Variants in BRAP observed in about 807,000 individuals in gnomAD.
The protein encoded by BRAP is BRCA1-associated protein.
BRAP carries 42 observed loss-of-function variants against 73.4 expected under a neutral mutation model. The ratio of observed to expected loss-of-function variants is 0.57; its 90% CI spans 0.45 to 0.74. BRAP has a LOEUF of 0.74. BRAP is among the 30% of genes least tolerant of loss of function. The pLI, the probability that BRAP is intolerant of heterozygous loss-of-function variation, is 0.00. For missense variants in BRAP, 593 were observed against 751.4 expected (o/e 0.79, Z 2.46); for synonymous variants, 255 against 267.4 (o/e 0.95, Z 0.45).
At chr12:111,680,117 G>A (rs145973546) in intron 3 of BRAP, among the ~76,000 whole-genome samples, 105 of 150,836 alleles carry the variant, frequency 7.0e-4, no homozygotes, top group Middle Eastern at 3.4e-3. Flanking sequence ...CCACCACGCC[G>A]GGCTAATTTT....
At chr12:111,666,269 A>G (rs1886938286) in intron 5 of BRAP, among the ~76,000 whole-genome samples, 1 of 152,164 alleles carries the variant, frequency 6.6e-6, no homozygotes. Context: ...CTTAACATAT[A>G]AATCTCAAAT....
In BRAP at chr12:111,644,269, G is replaced by A. The variant is rs770987642; in HGVS notation, c.1709C>T (p.Ser570Leu). The part of the protein sequence containing the change: ...GQINIAMASA[S>L]SPASSGGSGK... ...ACTGCCCCCCGAAGAGGCAGGGCTC[G>A]AGGCCGAGGCCATGGCGATGTTGAT... Residue 570 changes from serine (S) to leucine (L), a missense_variant, in exon 12 of 12, where the codon TCG (serine) becomes TTG (leucine). By Grantham distance (145) the Ser-to-Leu change is moderately radical. Coordinates refer to ENST00000419234, the MANE Select transcript of BRAP (RefSeq NM_006768.5). 6.2e-6 allele frequency: 10 copies of A among 1,614,068 alleles called. No individual in the cohort carries two copies. The Admixed American group carries it at 6.7e-5, about 11-fold the overall frequency.
intron 11 of BRAP, among the ~76,000 whole-genome samples, chr12:111,646,342 A>C (rs923564978): frequency 4.6e-5 from 7 of 151,952 alleles, no homozygotes; most frequent in East Asian, 1.9e-4. Flanking sequence ...GAACAAAAAA[A>C]CCCCACTATT....
chr12:111,652,308 C>G (rs977148404), intron 10 of BRAP, among the ~76,000 whole-genome samples: 5 of 152,112 alleles, frequency 3.3e-5, no homozygotes, highest in Non-Finnish European at 7.3e-5. Context: ...ACTGCAAACT[C>G]CGCCTCCTGG....
At chr12:111,661,629 A>G (rs1383824225) in intron 6 of BRAP, among the ~76,000 whole-genome samples, 2 of 151,906 alleles carry the variant, frequency 1.3e-5, no homozygotes, top group Non-Finnish European at 2.9e-5. Flanking sequence ...CCATTTCCCA[A>G]AGATTTAAAT....
chr12:111,650,288 CAG>C (rs1034985038), intron 10 of BRAP, among the ~76,000 whole-genome samples: 1 of 151,776 alleles, frequency 6.6e-6, no homozygotes, highest in Non-Finnish European at 1.5e-5. Flanking sequence ...TTTTTTGAGC[CAG>C]AGTCTCGCTC....
At chr12:111,671,871 A>G (rs1248454039) in intron 5 of BRAP, among the ~76,000 whole-genome samples, 1 of 151,580 alleles carries the variant, frequency 6.6e-6, no homozygotes, top group Non-Finnish European at 1.5e-5. Context: ...TTTTTTGTAG[A>G]GACAGGGTTT....
chr12:111,681,817 A>T lies in BRAP; in HGVS notation c.263T>A (p.Val88Glu). Residue 88 changes from valine (V) to glutamate (E), a missense_variant, in exon 3 of 12, where the codon GTG becomes GAG. This residue lies in a region of BRAP where 304 missense variants were observed against 337.7 expected (regional missense o/e 0.90). Transcript: ENST00000419234. ...KSNPDELKTT[V>E]EERKSSEASP... ...GGCTTCTGAAGACTTCCTTTCTTCC[A>T]CTGTAGTTTTTAGTTCATCTTTCAC... 1.2e-6 allele frequency: 2 copies of T among 1,610,974 alleles called. No homozygotes were observed. The highest frequency in any genetic ancestry group is 1.7e-6 in the Non-Finnish European group (2 of 1,178,706).
intron 10 of BRAP, among the ~76,000 whole-genome samples, chr12:111,655,190 C>T (rs756190841): frequency 1.3e-4 from 20 of 152,098 alleles, no homozygotes; most frequent in Admixed American, 3.3e-4. Flanking sequence ...AAAGGCTCTG[C>T]GCCATTTCAT....
rs1234908865 is a variant in BRAP at position 111,643,560 on chromosome 12, G to A, written c.*639C>T. On this transcript the variant is annotated 3_prime_UTR_variant, in exon 12 of 12. Transcript: ENST00000419234. Reference sequence around the variant, plus strand: ...ACACTGAGTCTACCCAATGTGCCCCGGGTTGTTTGTTTTTCCTGGCTGGCC... The same window carrying A: ...ACACTGAGTCTACCCAATGTGCCCCAGGTTGTTTGTTTTTCCTGGCTGGCC... 2 of 152,114 alleles carry A rather than the reference G, an allele frequency of 1.3e-5. No homozygotes were observed. Among genetic ancestry groups the A allele is most frequent in the East Asian group, 1.9e-4 (1 of 5,180 alleles). The allele number at this position is 152,114 out of a possible 1,614,324, so 9.4% of individuals were successfully genotyped here. A position where few individuals can be genotyped will look rare whatever the true frequency, so the allele number is the denominator to read the frequency against.
intron 4 of BRAP, among the ~76,000 whole-genome samples, chr12:111,678,053 G>A (rs982274163): frequency 2.0e-5 from 3 of 151,732 alleles, no homozygotes; most frequent in African/African-American, 4.8e-5. Context: ...CAGAGTTTGA[G>A]ACCAGCCTGA....
intron 6 of BRAP, among the ~76,000 whole-genome samples, chr12:111,661,043 G>A (rs1056387553): frequency 4.0e-5 from 6 of 151,118 alleles, no homozygotes; most frequent in South Asian, 2.1e-4. Flanking sequence ...GCAGTGGTGC[G>A]ATCTCAATTC....
intron 4 of BRAP, among the ~76,000 whole-genome samples, chr12:111,678,582 G>A (rs538852703): frequency 1.3e-4 from 20 of 151,000 alleles, no homozygotes; most frequent in East Asian, 6.0e-4. Flanking sequence ...GCTTGAACCC[G>A]GGAGGCGGAG....
rs890931683 is a variant in BRAP, at chr12:111,656,450, G to A, written c.1222-795C>T. The stretch of plus-strand genomic sequence containing the variant: ...GGCTGTTGTAACACTAATGTGCCAG[G>A]TTAGGAGATATGGCACCAGTGGAAG... On this transcript the variant is annotated intron_variant, in intron 9 of 11. Transcript: ENST00000419234. Among the ~76,000 whole-genome samples, 11 of 152,196 alleles carry A rather than the reference G, an allele frequency of 7.2e-5. 1 individual carries two copies. The highest frequency in any genetic ancestry group is 2.0e-4 in the Admixed American group (3 of 15,276).
intron 10 of BRAP, among the ~76,000 whole-genome samples, chr12:111,654,029 A>C (rs1287127279): frequency 1.3e-5 from 2 of 152,178 alleles, no homozygotes; most frequent in Non-Finnish European, 2.9e-5. Flanking sequence ...GAAGCACTTG[A>C]GGTAGTCACA....
intron 10 of BRAP, 81 bp from the exon 11 acceptor site, chr12:111,650,123 C>T (rs1407999021): frequency 9.8e-7 from 1 of 1,015,882 alleles, no homozygotes; most frequent in Non-Finnish European, 1.5e-6. Context: ...TATTTTTCCC[C>T]CCAATTATCT....
intron 10 of BRAP, among the ~76,000 whole-genome samples, chr12:111,651,635 CTTTTTTTTTTT>C (rs761275581): frequency 8.0e-6 from 1 of 124,980 alleles, no homozygotes; most frequent in African/African-American, 3.0e-5. Context: ...GATTTCTTTT[CTTTTTTTTTTT>C]TTTTTTTTTG....
chr12:111,672,581 G>A (rs2135922349), intron 5 of BRAP, 80 bp downstream of exon 5: 2 of 1,276,612 alleles, frequency 1.6e-6, no homozygotes, highest in East Asian at 2.5e-5. Flanking sequence ...CCTATTCTGG[G>A]TATTTCACAG....
At position 111,665,608 on chromosome 12, in the gene BRAP, G is replaced by A. The variant is rs1348294185; in HGVS notation, c.896+31C>T. Reference sequence around the variant, plus strand: ...ATTCTGGAAGGGTTGCAATGGGCTTGTACACAGAGGGGTTCGGCCCCTGCA... The same window carrying A: ...ATTCTGGAAGGGTTGCAATGGGCTTATACACAGAGGGGTTCGGCCCCTGCA... On this transcript the variant is annotated intron_variant, in intron 6 of 11. Coordinates refer to ENST00000419234, the MANE Select transcript of BRAP (RefSeq NM_006768.5). This position sits in a 1 kb window ranked among gnomAD's most constrained non-coding sequence, Gnocchi z 4.3. 1 of 1,613,006 alleles carries A rather than the reference G, an allele frequency of 6.2e-7. No individual in the cohort carries two copies. The highest frequency in any genetic ancestry group is 1.3e-5 in the African/African-American group (1 of 74,984).
Sources: gnomAD v4.1 joint callset for allele counts (sites outside exome capture counted in the v4.1 genomes callset) on GRCh38, gnomAD v4.1.1 for gene constraint, gnomAD v4.1.1 regional missense constraint, Gnocchi (gnomAD v3.1) non-coding constraint, MANE v1.5 for transcripts, NCBI Gene and HGNC (gene_info 2026-07-23, HGNC 2026-07-21) for gene names.